The following ITPR3 variants were observed in gnomAD, a reference collection of about 807,000 sequenced individuals.
ITPR3 encodes inositol 1,4,5-trisphosphate-gated calcium channel ITPR3.
Under a neutral mutation model 293.2 loss-of-function variants are expected in ITPR3, and 173 were observed. The observed-to-expected ratio is 0.59, with a 90% confidence interval of 0.52 to 0.67. ITPR3 has a LOEUF of 0.67. ITPR3 is among the 30% of genes least tolerant of loss of function. ITPR3 has a pLI of 0.00. For synonymous variants in ITPR3, 1,295 were observed against 1,444.4 expected (o/e 0.90, Z 2.35); for missense variants, 2,796 against 3,592.1 (o/e 0.78, Z 5.66).
At chr6:33,662,229 G>A (rs561317246) in intron 7 of ITPR3, among the ~76,000 whole-genome samples, 2 of 152,148 alleles carry the variant, frequency 1.3e-5, no homozygotes, top group South Asian at 4.1e-4. Context: ...GCCGTTAGAG[G>A]TTAGGCAGGG....
At chr6:33,686,868 C>CCG in intron 43 of ITPR3, 141 bp from the exon 44 acceptor site, 1 of 700,946 alleles carries the variant, frequency 1.4e-6, no homozygotes, top group Admixed American at 2.4e-5. Flanking sequence ...CTCATTAAGC[C>CCG]GGGGGGAGGG....
chr6:33,639,336 G>A (rs976511429), intron 1 of ITPR3, among the ~76,000 whole-genome samples: 23 of 145,268 alleles, frequency 1.6e-4, no homozygotes, highest in Admixed American at 1.1e-3. Context: ...TCGAGATTGC[G>A]CCACTGCACT....
At position 33,666,019 on chromosome 6, in the gene ITPR3, C is replaced by T. The variant is rs577857973; in HGVS notation, c.1551+43C>T. On this transcript the variant is annotated intron_variant, in intron 14 of 57. Transcript: ENST00000605930. This position sits in a 1 kb window ranked among gnomAD's most constrained non-coding sequence, Gnocchi z 5.1. Reference sequence around the variant, plus strand: ...AGGGGACGCAGAGGGGCCGGGTGCCCGGGAGAGGGATGCCTTCAACTGCAG... The same window carrying T: ...AGGGGACGCAGAGGGGCCGGGTGCCTGGGAGAGGGATGCCTTCAACTGCAG... The T allele has an allele frequency of 1.7e-5, 26 of 1,547,298 alleles. No homozygotes were observed. In the Admixed American group the frequency reaches 1.9e-4, roughly 12 times the overall value.
At chr6:33,686,752 T>G (rs546686704) in intron 43 of ITPR3, among the ~76,000 whole-genome samples, 6 of 152,194 alleles carry the variant, frequency 3.9e-5, no homozygotes, top group Non-Finnish European at 7.3e-5. Context: ...ATATTCTGGT[T>G]TAGCTGAGGA....
chr6:33,664,835 A>G lies in ITPR3; in HGVS notation c.1149-35A>G, dbSNP rs375245724. 2 of 1,590,196 alleles carry G rather than the reference A, an allele frequency of 1.3e-6. No homozygotes were observed. The highest frequency in any genetic ancestry group is 1.7e-6 in the Non-Finnish European group (2 of 1,161,492). On this transcript the variant is annotated intron_variant, in intron 11 of 57. Transcript: ENST00000605930. This position sits in a 1 kb window ranked among gnomAD's most constrained non-coding sequence, Gnocchi z 4.4. Reference sequence around the variant, plus strand: ...GGCAGCATGACGTGCTCTGTGGTGCACTCCCCGAGTCCTTTCCCTCCCACC... The same window carrying G: ...GGCAGCATGACGTGCTCTGTGGTGCGCTCCCCGAGTCCTTTCCCTCCCACC...
At position 33,658,416 on chromosome 6, in the gene ITPR3, T is replaced by G. The variant is rs73408233; in HGVS notation, c.370-254T>G. On this transcript the variant is annotated intron_variant, in intron 4 of 57. Transcript: ENST00000605930. The surrounding 1 kb of genome is among the most constrained non-coding windows in gnomAD (Gnocchi z 6.1). Reference sequence around the variant, plus strand: ...GATCGTTGTAGGTTACTTGAGCTAATCTATGTAAAGTATTTAGAACAGCCT... The same window carrying G: ...GATCGTTGTAGGTTACTTGAGCTAAGCTATGTAAAGTATTTAGAACAGCCT... Among the ~76,000 whole-genome samples the G allele has an allele frequency of 0.11, 16,616 of 152,240 alleles. 1,000 individuals carry two copies. Among genetic ancestry groups the G allele is most frequent in the African/African-American group, 0.14 (5,730 of 41,516 alleles).
Position 33,679,961 on chromosome 6 carries a change from C to T in ITPR3, c.4052C>T (p.Ala1351Val), listed in dbSNP as rs1436324777. The T allele has an allele frequency of 1.2e-6, 2 of 1,613,890 alleles. No individual in the cohort carries two copies. The highest frequency in any genetic ancestry group is 1.1e-5 in the South Asian group (1 of 91,088). Residue 1351 changes from alanine (A) to valine (V), a missense_variant, in exon 31 of 58, where the codon GCC (alanine) becomes GTC (valine). Ala to Val is a moderately conservative substitution (Grantham distance 64). Around this residue, in one of 8 missense-constraint regions of ITPR3, gnomAD observed 344 missense variants for 460.3 expected, o/e 0.75. Coordinates refer to ENST00000605930, the MANE Select transcript of ITPR3 (RefSeq NM_002224.4). The surrounding 1 kb of genome is among the most constrained non-coding windows in gnomAD (Gnocchi z 4.2). ...GCCCACCTGCTGGACATGATGAAGG[C>T]CGCCCGCGACGGCGTGGAGGACCAC... is the stretch of plus-strand genomic sequence containing the variant. ...SLAHLLDMMK[A>V]ARDGVEDHSP...
At position 33,654,097 on chromosome 6, in the gene ITPR3, G is replaced by A. The variant is rs1163046074; in HGVS notation, c.161-1669G>A. 1.3e-5 allele frequency among the ~76,000 whole-genome samples: 2 copies of A among 152,010 alleles called. No homozygotes were observed. Among genetic ancestry groups the A allele is most frequent in the African/African-American group, 4.8e-5 (2 of 41,390 alleles). ...AGCTTGGGCAATATGGCGAAACCCCGTCTCTACTAAAAATACAAAAATTAG... is the reference window on the plus strand; with the variant it reads ...AGCTTGGGCAATATGGCGAAACCCCATCTCTACTAAAAATACAAAAATTAG... On this transcript the variant is annotated intron_variant, in intron 2 of 57. Coordinates refer to ENST00000605930, the MANE Select transcript of ITPR3 (RefSeq NM_002224.4). The surrounding 1 kb of genome is among the most constrained non-coding windows in gnomAD (Gnocchi z 4.1).
chr6:33,688,034 C>G, intron 46 of ITPR3, 23 bp from the exon 47 acceptor site: 7 of 1,596,814 alleles, frequency 4.4e-6, no homozygotes, highest in Non-Finnish European at 6.0e-6. Flanking sequence ...GGGGCCTGAC[C>G]TCCGCGCCCT....
chr6:33,663,405 C>T, intron 9 of ITPR3, 95 bp from the exon 10 acceptor site: 1 of 1,311,230 alleles, frequency 7.6e-7, no homozygotes, highest in Non-Finnish European at 1.1e-6. Context: ...CCTGCCCAAA[C>T]CCAGGGCCCT....
intron 2 of ITPR3, among the ~76,000 whole-genome samples, chr6:33,646,414 A>C (rs1764068471): frequency 8.1e-6 from 1 of 122,762 alleles, no homozygotes; most frequent in South Asian, 2.6e-4. Flanking sequence ...ACTGTCTTTA[A>C]TTGCTTATGT....
Position 33,658,738 on chromosome 6 carries a change from C to T in ITPR3, c.438C>T (p.Asn146=), listed in dbSNP as rs2296344. 1.5e-4 allele frequency: 242 copies of T among 1,614,198 alleles called. 1 individual carries two copies. The East Asian group carries it at 4.6e-3, about 31-fold the overall frequency. Residue 146 remains asparagine (N), a synonymous_variant, in exon 5 of 58, where the codon AAC becomes AAT. Coordinates refer to ENST00000605930, the MANE Select transcript of ITPR3 (RefSeq NM_002224.4). The surrounding 1 kb of genome is among the most constrained non-coding windows in gnomAD (Gnocchi z 6.1). ...GGCTTCCGGCCTTGCTGGAGAAGAA[C>T]GCCATGCGGGTGACTCTGGATGCCA... ...NKRLPALLEK[N]AMRVTLDATG... is the part of the protein sequence containing the mutation.
rs1221613008 is a variant in ITPR3 at position 33,687,073 on chromosome 6, G to A, written c.6044G>A (p.Arg2015Gln). ...CGGCATGACAGTGAAAATGCTGAGC[G>A]AATCCTCATCAGCCTGCGGCCCCAG... is the stretch of plus-strand genomic sequence containing the variant. ...ESRHDSENAE[R>Q]ILISLRPQEL... Residue 2015 changes from arginine (R) to glutamine (Q), a missense_variant, in exon 44 of 58, where the codon CGA becomes CAA. Arg to Gln is a conservative substitution (Grantham distance 43, BLOSUM62 1). Transcript: ENST00000605930. This position sits in a 1 kb window ranked among gnomAD's most constrained non-coding sequence, Gnocchi z 5.3. 24 of 1,613,924 alleles carry A rather than the reference G, an allele frequency of 1.5e-5. No homozygotes were observed. Among genetic ancestry groups the A allele is most frequent in the Non-Finnish European group, 1.9e-5 (23 of 1,180,008 alleles).
intron 1 of ITPR3, among the ~76,000 whole-genome samples, chr6:33,631,714 C>T (rs1763682936): frequency 6.6e-6 from 1 of 152,104 alleles, no homozygotes; most frequent in Non-Finnish European, 1.5e-5. Context: ...GCAGAGTGTT[C>T]CCCAACTCTT....
Position 33,667,179 on chromosome 6 carries a change from C to T in ITPR3, c.1602C>T (p.Pro534=), listed in dbSNP as rs1264947281. 1 of 1,614,032 alleles carries T rather than the reference C, an allele frequency of 6.2e-7. No homozygotes were observed. The highest frequency in any genetic ancestry group is 1.1e-5 in the South Asian group (1 of 91,086). ...TCCGTGAGAAGGGGGGTGAAGGTCC[C>T]CTGGTGCGGCTGGAGGAGCTGTCAG... ...APFREKGGEG[P]LVRLEELSDQ... Residue 534 remains proline (P), a synonymous_variant, in exon 15 of 58, where the codon CCC becomes CCT. Coordinates refer to ENST00000605930, the MANE Select transcript of ITPR3 (RefSeq NM_002224.4). This position sits in a 1 kb window ranked among gnomAD's most constrained non-coding sequence, Gnocchi z 4.4.
In ITPR3 at chr6:33,658,594, G is replaced by C. The variant is rs1304110338; in HGVS notation, c.370-76G>C. On this transcript the variant is annotated intron_variant, in intron 4 of 57. Coordinates refer to ENST00000605930, the MANE Select transcript of ITPR3 (RefSeq NM_002224.4). This position sits in a 1 kb window ranked among gnomAD's most constrained non-coding sequence, Gnocchi z 6.1. The stretch of plus-strand genomic sequence containing the variant: ...CCAGAATGTGACCAAGGGTCTAGGG[G>C]ATCCCCCCATATCCCCTCCCTAATG... 3 of 1,541,396 alleles carry C rather than the reference G, an allele frequency of 1.9e-6. No individual in the cohort carries two copies. Among genetic ancestry groups the C allele is most frequent in the East Asian group, 2.3e-5 (1 of 44,288 alleles).
intron 57 of ITPR3, 164 bp downstream of exon 57, chr6:33,695,249 A>T: frequency 1.4e-6 from 1 of 736,542 alleles, no homozygotes; most frequent in Non-Finnish European, 2.2e-6. Context: ...GGCAAGTCAG[A>T]CTGGGGTTGA....
chr6:33,643,143 G>A (rs980768214), intron 2 of ITPR3, among the ~76,000 whole-genome samples: 11 of 152,212 alleles, frequency 7.2e-5, no homozygotes, highest in Non-Finnish European at 1.0e-4. Flanking sequence ...CCAGCAAGGG[G>A]GTGGGGTTAT....
Position 33,664,361 on chromosome 6 carries a change from G to T in ITPR3, c.1148+481G>T, listed in dbSNP as rs1195284170. ...AGTTTCCCTGTCAACAGGGCTAATG[G>T]GAGAGTTAATTGAGTCACTACATAG... On this transcript the variant is annotated intron_variant, in intron 11 of 57. Coordinates refer to ENST00000605930, the MANE Select transcript of ITPR3 (RefSeq NM_002224.4). This position sits in a 1 kb window ranked among gnomAD's most constrained non-coding sequence, Gnocchi z 4.4. 6.6e-6 allele frequency among the ~76,000 whole-genome samples: 1 copy of T among 152,206 alleles called. No homozygotes were observed. Among genetic ancestry groups the T allele is most frequent in the Non-Finnish European group, 1.5e-5 (1 of 68,032 alleles).
Sources: allele counts gnomAD v4.1 joint callset (sites outside exome capture counted in the v4.1 genomes callset), GRCh38; gene constraint gnomAD v4.1.1; regional missense constraint gnomAD v4.1.1; non-coding constraint Gnocchi (gnomAD v3.1); transcripts MANE v1.5; gene names NCBI Gene and HGNC (gene_info 2026-07-23, HGNC 2026-07-21).